The following PRSS3 variants were observed in gnomAD, a reference collection of about 807,000 sequenced individuals.
The protein encoded by PRSS3 is trypsin-3.
PRSS3 carries 14 observed loss-of-function variants against 20.8 expected under a neutral mutation model. The ratio of observed to expected loss-of-function variants is 0.67; its 90% CI spans 0.44 to 1.05. The LOEUF (loss-of-function observed/expected upper bound fraction) is 1.05, where lower values mean the gene tolerates loss of function less well. Ranked by LOEUF, PRSS3 falls within the 50% of genes least tolerant of loss-of-function variation. The probability of loss-of-function intolerance (pLI) is 0.00; values close to 1 mark genes in which losing one functional copy is unlikely to be tolerated. For missense variants in PRSS3, 237 were observed against 306.4 expected (o/e 0.77, Z 1.69); for synonymous variants, 91 against 117.6 (o/e 0.77, Z 1.46).
chr9:33,775,024 T>C (rs1823861210), intron 1 of PRSS3, among the ~76,000 whole-genome samples: 1 of 144,590 alleles, frequency 6.9e-6, no homozygotes, highest in Non-Finnish European at 1.5e-5. Flanking sequence ...CTTCCAGTTA[T>C]GGCAGCACAA....
At chr9:33,775,131 A>G (rs1265148687) in intron 1 of PRSS3, among the ~76,000 whole-genome samples, 8 of 152,006 alleles carry the variant, frequency 5.3e-5, no homozygotes, top group Non-Finnish European at 2.9e-5. Context: ...AAAACCAACC[A>G]TTTCAGGAAA....
At chr9:33,795,448 G>T, upstream of PRSS3, 1 of 1,212,926 alleles carries the variant, frequency 8.2e-7, no homozygotes, top group South Asian at 1.3e-5. Context: ...CCTGGCAAGG[G>T]GAAAGCTGCA....
At chr9:33,797,737 C>G (rs1390445335) in intron 2 of PRSS3, 92 bp from the exon 3 acceptor site, 1 of 1,611,328 alleles carries the variant, frequency 6.2e-7, no homozygotes, top group African/African-American at 1.3e-5. Flanking sequence ...CCAGAGCTAT[C>G]CATGAGCAGT....
intron 1 of PRSS3, among the ~76,000 whole-genome samples, chr9:33,768,305 C>A (rs1257910639): frequency 6.6e-6 from 1 of 151,168 alleles, no homozygotes; most frequent in Non-Finnish European, 1.5e-5. Flanking sequence ...CATGGTGAAA[C>A]CCCGTCTCTA....
chr9:33,795,536 ACAGGCCTTCCAC>A (rs757271835), upstream of PRSS3: 4 of 1,613,454 alleles, frequency 2.5e-6, no homozygotes, highest in East Asian at 8.9e-5. Flanking sequence ...GGGTATAAGG[ACAGGCCTTCCAC>A]CACCAGTCAG....
At chr9:33,751,168 G>A (rs1433133120) in intron 1 of PRSS3, among the ~76,000 whole-genome samples, 1 of 152,218 alleles carries the variant, frequency 6.6e-6, no homozygotes, top group Non-Finnish European at 1.5e-5. Context: ...CCCCGTGGAT[G>A]CCACCTGGCC....
At chr9:33,771,997 A>G (rs867416517) in intron 1 of PRSS3, among the ~76,000 whole-genome samples, 11 of 148,462 alleles carry the variant, frequency 7.4e-5, no homozygotes, top group Middle Eastern at 3.5e-3. Flanking sequence ...TCAGCCTCCC[A>G]ATTAGCTGGG....
chr9:33,797,399 G>A (rs3739685), intron 2 of PRSS3, among the ~76,000 whole-genome samples: 9,139 of 152,278 alleles, frequency 0.06, 328 homozygotes, highest in Non-Finnish European at 0.09. Context: ...GGCTACCCTT[G>A]GATTAGATTA....
At chr9:33,797,352 A>C (rs1440741621) in intron 2 of PRSS3, among the ~76,000 whole-genome samples, 1 of 152,274 alleles carries the variant, frequency 6.6e-6, no homozygotes, top group Non-Finnish European at 1.5e-5. Flanking sequence ...CCAAGAATTT[A>C]CATTTCTAAC....
At position 33,750,959 on chromosome 9, in the gene PRSS3, C is replaced by T; in HGVS notation, c.-53+232C>T. 2.8e-6 allele frequency: 3 copies of T among 1,077,416 alleles called. No individual in the cohort carries two copies. Among genetic ancestry groups the T allele is most frequent in the Non-Finnish European group, 3.6e-6 (3 of 828,960 alleles). 66.7% of individuals were successfully genotyped at this position (1,077,416 alleles called of 1,614,324 possible). On this transcript the variant is annotated intron_variant, in intron 1 of 5. Transcript: ENST00000342836. This position sits in a 1 kb window ranked among gnomAD's most constrained non-coding sequence, Gnocchi z 4.8. ...ATGGAGGGCCCTGGTGTCGCAGAAGCCCACCTGGGGCCCCCTCCGGGCTGC... is the reference window on the plus strand; with the variant it reads ...ATGGAGGGCCCTGGTGTCGCAGAAGTCCACCTGGGGCCCCCTCCGGGCTGC...
upstream of PRSS3, among the ~76,000 whole-genome samples, chr9:33,792,248 T>C (rs1346594730): frequency 2.6e-5 from 4 of 152,108 alleles, no homozygotes; most frequent in Non-Finnish European, 5.9e-5. Flanking sequence ...GACAATCTGT[T>C]TGCAGAATGA....
At chr9:33,798,796 C>CGA (rs1825170691) in intron 4 of PRSS3, 174 bp downstream of exon 4, 3 of 1,175,154 alleles carry the variant, frequency 2.6e-6, no homozygotes, top group Non-Finnish European at 3.6e-6. Flanking sequence ...CATGGAGAAA[C>CGA]GAGGAAGGTG....
chr9:33,786,065 C>T, intron 1 of PRSS3: 1 of 277,728 alleles, frequency 3.6e-6, no homozygotes. Context: ...CACAGTTCCA[C>T]CAGGGGGAAG....
rs919782396 is a variant in PRSS3, at chr9:33,786,746, C to T, written c.-52-8000C>T. ...TGTCATTGACAAGTTTCCCATCAGC[C>T]GCCCAAACCTAACATTCTCAACTCT... On this transcript the variant is annotated intron_variant, in intron 1 of 5. Transcript: ENST00000342836. 112 of 765,924 alleles carry T rather than the reference C, an allele frequency of 1.5e-4. 2 individuals are homozygous for T. Among genetic ancestry groups the T allele is most frequent in the South Asian group, 8.7e-4 (65 of 74,568 alleles). The allele number at this position is 765,924 out of a possible 1,614,324, so 47.4% of individuals were successfully genotyped here.
chr9:33,786,714 G>A, intron 1 of PRSS3: 3 of 766,238 alleles, frequency 3.9e-6, no homozygotes. Flanking sequence ...ACATATGAGA[G>A]CAGATTTGTC....
upstream of PRSS3, among the ~76,000 whole-genome samples, chr9:33,795,263 G>A (rs1041074365): frequency 1.3e-5 from 2 of 151,674 alleles, no homozygotes; most frequent in Non-Finnish European, 2.9e-5. Context: ...TCATCTCCTC[G>A]GCCTACGAAA....
At chr9:33,757,538 T>C (rs954664506) in intron 1 of PRSS3, among the ~76,000 whole-genome samples, 5 of 151,774 alleles carry the variant, frequency 3.3e-5, no homozygotes, top group Non-Finnish European at 5.9e-5. Flanking sequence ...CTACGTTTGA[T>C]AGGAATGGTT....
rs1296206537 is a variant in PRSS3, at chr9:33,766,010, G to A, written c.-53+15283G>A. Among the ~76,000 whole-genome samples, 3 of 152,194 alleles carry A rather than the reference G, an allele frequency of 2.0e-5. No homozygotes were observed. In the East Asian group the frequency reaches 5.8e-4, roughly 29 times the overall value. On this transcript the variant is annotated intron_variant, in intron 1 of 5. Coordinates refer to the PRSS3 transcript ENST00000342836. ...TAGCCGGGCGTGGTGGCCCACACCT[G>A]TAATCCCAGCACTTTGGGGGCCAAG... is the stretch of plus-strand genomic sequence containing the variant.
intron 1 of PRSS3, among the ~76,000 whole-genome samples, chr9:33,776,869 AGAG>A (rs1445089909): frequency 2.0e-5 from 3 of 152,174 alleles, no homozygotes; most frequent in East Asian, 3.8e-4. Context: ...GAGTGAAAGA[AGAG>A]GAGATATAAA....
Sources: gnomAD v4.1 joint callset for allele counts (sites outside exome capture counted in the v4.1 genomes callset) on GRCh38, gnomAD v4.1.1 for gene constraint, Gnocchi (gnomAD v3.1) non-coding constraint, MANE v1.5 for transcripts, NCBI Gene and HGNC (gene_info 2026-07-23, HGNC 2026-07-21) for gene names.